The following OS9 variants were observed in gnomAD, a reference collection of about 807,000 sequenced individuals.
OS9 encodes protein OS-9.
A neutral mutation model predicts 84.7 loss-of-function variants in OS9; 58 were observed. That is an observed-to-expected ratio of 0.68 (90% CI 0.55 to 0.85). The LOEUF (loss-of-function observed/expected upper bound fraction) is 0.85. Among genes scored for constraint, OS9 ranks in the 40% least tolerant of loss-of-function variants. The pLI is 0.00. For missense variants in OS9, 760 were observed against 850.9 expected, an observed-to-expected ratio of 0.89 and a Z score of 1.33; for synonymous variants, 278 against 320.8, an observed-to-expected ratio of 0.87 and a Z score of 1.43.
chr12:57,719,443 G>C lies in OS9; in HGVS notation c.1600+261G>C, dbSNP rs571040430. 5 of 480,652 alleles carry C rather than the reference G, an allele frequency of 1.0e-5. No homozygotes were observed. In the South Asian group the frequency reaches 1.1e-4, roughly 11 times the overall value. 29.8% of individuals were successfully genotyped at this position (480,652 alleles called of 1,614,324 possible). On this transcript the variant is annotated intron_variant, in intron 12 of 14. Coordinates refer to ENST00000315970, the MANE Select transcript of OS9 (RefSeq NM_006812.4). ...TTTGCTCCTGTACACCCAGTGCCTA[G>C]CACTCTGCCTGGCACACAATGGATG...
intron 5 of OS9, among the ~76,000 whole-genome samples, chr12:57,701,213 A>G (rs1302820985): frequency 6.9e-6 from 1 of 145,632 alleles, no homozygotes; most frequent in Non-Finnish European, 1.5e-5. Context: ...TTTTTCACTG[A>G]TCAGTGTGTT....
chr12:57,695,157 A>G, intron 2 of OS9: 1 of 555,994 alleles, frequency 1.8e-6, no homozygotes, highest in East Asian at 3.1e-5. Context: ...AAAGGGCTAA[A>G]GCAAGATTGA....
chr12:57,718,745 A>G (rs1176328062), intron 11 of OS9, among the ~76,000 whole-genome samples: 3 of 152,162 alleles, frequency 2.0e-5, no homozygotes, highest in Non-Finnish European at 2.9e-5. Flanking sequence ...TCTACTAAAA[A>G]TGCAAACAAA....
intron 5 of OS9, among the ~76,000 whole-genome samples, chr12:57,708,031 T>A (rs149571966): frequency 1.2e-3 from 178 of 151,948 alleles, no homozygotes; most frequent in African/African-American, 4.2e-3. Context: ...AGGTCAAGGC[T>A]ACAGTGAGCT....
chr12:57,716,510 G>A lies in OS9; in HGVS notation c.991G>A (p.Glu331Lys). 6.4e-7 allele frequency: 1 copy of A among 1,572,298 alleles called. No individual in the cohort carries two copies. The highest frequency in any genetic ancestry group is 1.3e-5 in the African/African-American group (1 of 74,290). Residue 331 changes from glutamate to lysine, a missense_variant and splice_region_variant, in exon 8 of 15, where the codon GAG becomes AAG. Transcript: ENST00000315970. ...QAPGGEEVPA[E>K]EQDPSPEAAD... ...CCCAGGAGGGGAGGAGGTGCCGGCT[G>A]AGGTGAGACCAGCTGCCTCAGAGGA... is the stretch of plus-strand genomic sequence containing the variant.
intron 5 of OS9, among the ~76,000 whole-genome samples, chr12:57,707,342 T>A (rs1486381540): frequency 6.6e-6 from 1 of 152,204 alleles, no homozygotes. Context: ...TGTCTCACAG[T>A]TGTGCTGGCC....
At chr12:57,703,715 T>G (rs1396731406) in intron 5 of OS9, among the ~76,000 whole-genome samples, 1 of 152,164 alleles carries the variant, frequency 6.6e-6, no homozygotes, top group African/African-American at 2.4e-5. Flanking sequence ...TTTTTTAATA[T>G]TGTTATGGAT....
In OS9 at chr12:57,694,858, C is replaced by T. The variant is rs1426173586; in HGVS notation, c.271C>T (p.Pro91Ser). The change falls in exon 2 of 15, where the codon CCT (proline) becomes TCT (serine). Residue 91 changes from proline to serine, a missense_variant. Pro to Ser is a moderately conservative substitution (Grantham distance 74). Transcript: ENST00000315970. ...HFQREREEET[P>S]AYQGPGIPEL... Reference sequence around the variant, plus strand: ...CCAGCGTGAAAGGGAGGAGGAAACACCTGCTTACCAAGGGCCTGGGATCCC... The same window carrying T: ...CCAGCGTGAAAGGGAGGAGGAAACATCTGCTTACCAAGGGCCTGGGATCCC... 5 of 1,614,024 alleles carry T rather than the reference C, an allele frequency of 3.1e-6. No homozygotes were observed. The highest frequency in any genetic ancestry group is 4.2e-6 in the Non-Finnish European group (5 of 1,180,022).
At chr12:57,717,792 CAAAAAAAAA>C (rs59663591) in intron 9 of OS9, 69 bp from the exon 10 acceptor site, 11,960 of 422,814 alleles carry the variant, frequency 0.028, 13 homozygotes, top group Middle Eastern at 0.048. Flanking sequence ...GACTCTGTCT[CAAAAAAAAA>C]AAAAAAAAAA....
intron 10 of OS9, 75 bp from the exon 11 acceptor site, chr12:57,718,068 GCTA>G (rs1954558947): frequency 1.3e-6 from 2 of 1,546,014 alleles, no homozygotes; most frequent in Non-Finnish European, 1.8e-6. Flanking sequence ...CCACACACCT[GCTA>G]CTGTTTGTCT....
At chr12:57,709,486 A>C (rs1355295219) in intron 5 of OS9, among the ~76,000 whole-genome samples, 1 of 152,148 alleles carries the variant, frequency 6.6e-6, no homozygotes, top group Non-Finnish European at 1.5e-5. Flanking sequence ...ATTTTATGCC[A>C]TTGTGTCAGT....
intron 5 of OS9, among the ~76,000 whole-genome samples, chr12:57,710,806 G>A (rs969579464): frequency 6.6e-6 from 1 of 152,038 alleles, no homozygotes; most frequent in Non-Finnish European, 1.5e-5. Flanking sequence ...TTGGGAGGCC[G>A]AGGCAGGCGG....
chr12:57,694,541 C>T (rs1953766794), intron 1 of OS9, among the ~76,000 whole-genome samples: 1 of 152,128 alleles, frequency 6.6e-6, no homozygotes, highest in Non-Finnish European at 1.5e-5. Flanking sequence ...ACCTTCAGGT[C>T]TCAGTTTATG....
At chr12:57,718,467 C>T (rs576251994) in intron 11 of OS9, 46 bp downstream of exon 11, 47 of 1,585,672 alleles carry the variant, frequency 3.0e-5, no homozygotes, top group African/African-American at 1.6e-4. Flanking sequence ...CGCCTGGTCC[C>T]GTGGAGCAGG....
rs985528793 is a variant in OS9, at chr12:57,706,349, GT to G, written c.580-9401del. On this transcript the variant is annotated intron_variant, in intron 5 of 14. Coordinates refer to ENST00000315970, the MANE Select transcript of OS9 (RefSeq NM_006812.4). The stretch of plus-strand genomic sequence containing the variant: ...TTCTGGGATAATCCATGGTCATGAA[GT>G]TTTTTTTTTGTACATTGCTATATTC... 2.9e-3 allele frequency among the ~76,000 whole-genome samples: 435 copies of G among 147,790 alleles called. 1 individual carries two copies. The highest frequency in any genetic ancestry group is 9.9e-3 in the African/African-American group (400 of 40,490).
At chr12:57,707,996 G>A (rs1412508432) in intron 5 of OS9, among the ~76,000 whole-genome samples, 2 of 151,836 alleles carry the variant, frequency 1.3e-5, no homozygotes, top group Non-Finnish European at 2.9e-5. Context: ...GGGAGGCTGA[G>A]TTGGGAGGAT....
At chr12:57,705,289 A>T (rs1954133723) in intron 5 of OS9, among the ~76,000 whole-genome samples, 1 of 152,202 alleles carries the variant, frequency 6.6e-6, no homozygotes, top group Non-Finnish European at 1.5e-5. Context: ...TTTGAAGAGA[A>T]TTGATACTTT....
intron 5 of OS9, among the ~76,000 whole-genome samples, chr12:57,714,954 A>G (rs1237718078): frequency 6.6e-6 from 1 of 152,232 alleles, no homozygotes; most frequent in Non-Finnish European, 1.5e-5. Context: ...TCAAAGGCCA[A>G]TCAATCTCTT....
intron 9 of OS9, 34 bp from the exon 10 acceptor site, chr12:57,717,831 CAACAG>C: frequency 1.5e-6 from 1 of 663,668 alleles, no homozygotes; most frequent in East Asian, 4.0e-5. Context: ...AATTTAAACA[CAACAG>C]AACAGGTTCA....
Sources: allele counts gnomAD v4.1 joint callset (sites outside exome capture counted in the v4.1 genomes callset), GRCh38; gene constraint gnomAD v4.1.1; transcripts MANE v1.5; gene names NCBI Gene and HGNC (gene_info 2026-07-23, HGNC 2026-07-21).